Variants in SLC35F3 observed in about 807,000 individuals in gnomAD.
SLC35F3 encodes putative thiamine transporter SLC35F3.
Under a neutral mutation model 49.9 loss-of-function variants are expected in SLC35F3, and 25 were observed. The ratio of observed to expected loss-of-function variants is 0.50; its 90% CI spans 0.37 to 0.70. The LOEUF (loss-of-function observed/expected upper bound fraction) is 0.70, where lower values mean the gene tolerates loss of function less well. SLC35F3 is among the 30% of genes least tolerant of loss of function. The probability of loss-of-function intolerance (pLI) is 0.00; values close to 1 mark genes in which losing one functional copy is unlikely to be tolerated. For synonymous variants in SLC35F3, 275 were observed against 265.4 expected (o/e 1.04, Z -0.35); for missense variants, 525 against 639.8 (o/e 0.82, Z 1.94).
intron 3 of SLC35F3, among the ~76,000 whole-genome samples, chr1:234,267,590 G>A (rs1190347928): frequency 1.3e-5 from 2 of 148,860 alleles, no homozygotes; most frequent in Non-Finnish European, 3.0e-5. Context: ...GCCGGGCAGA[G>A]GCACCCCTCA....
rs1033407677 is a variant in SLC35F3 at position 233,905,088 on chromosome 1, G to C, written c.11G>C (p.Arg4Pro). Residue 4 changes from arginine (R) to proline (P), a missense_variant, in exon 1 of 8, where the codon CGA becomes CCA. Physicochemically the swap from Arg to Pro is moderately radical, Grantham distance 103. Transcript: ENST00000366618. MGI[R>P]EFPSGAPRGK... ...ACTCTGTCTTTGCCTATGGGGATTC[G>C]AGAGTTTCCCAGCGGCGCACCCAGG... is the stretch of plus-strand genomic sequence containing the variant. 4 of 1,564,598 alleles carry C rather than the reference G, an allele frequency of 2.6e-6. No individual in the cohort carries two copies. The highest frequency in any genetic ancestry group is 3.5e-6 in the Non-Finnish European group (4 of 1,153,280).
intron 2 of SLC35F3, among the ~76,000 whole-genome samples, chr1:234,197,085 G>T (rs78024307): frequency 1.3e-5 from 2 of 152,150 alleles, no homozygotes; most frequent in African/African-American, 4.8e-5. Context: ...GCATTTTAAA[G>T]GGTCTTGAGC....
chr1:234,289,866 T>C (rs1433472052), intron 3 of SLC35F3, among the ~76,000 whole-genome samples: 1 of 152,068 alleles, frequency 6.6e-6, no homozygotes, highest in Non-Finnish European at 1.5e-5. Flanking sequence ...AACCAAAACA[T>C]TATGAAAGAG....
At chr1:234,230,858 A>G (rs1226980756) in intron 2 of SLC35F3, among the ~76,000 whole-genome samples, 3 of 152,238 alleles carry the variant, frequency 2.0e-5, no homozygotes, top group Non-Finnish European at 1.5e-5. Flanking sequence ...CGTACAAAAT[A>G]AGAGGAGAGA....
At chr1:234,173,475 T>G (rs1666430898) in intron 2 of SLC35F3, among the ~76,000 whole-genome samples, 1 of 152,220 alleles carries the variant, frequency 6.6e-6, no homozygotes, top group Non-Finnish European at 1.5e-5. Flanking sequence ...TCTTTGTCCT[T>G]CAACCCCATG....
At chr1:234,130,473 T>TAA (rs71170467) in intron 2 of SLC35F3, among the ~76,000 whole-genome samples, 4,081 of 138,808 alleles carry the variant, frequency 0.029, 202 homozygotes, top group African/African-American at 0.098. Flanking sequence ...ACCCCGTCTC[T>TAA]AAAAAAAAAA....
At chr1:234,272,772 C>T (rs1254684191) in intron 3 of SLC35F3, among the ~76,000 whole-genome samples, 2 of 152,134 alleles carry the variant, frequency 1.3e-5, no homozygotes, top group African/African-American at 2.4e-5. Flanking sequence ...TTCCAAATGG[C>T]GTGCTGCCTG....
intron 2 of SLC35F3, among the ~76,000 whole-genome samples, chr1:233,998,774 G>A (rs9435537): frequency 0.31 from 47,005 of 151,972 alleles, 8,599 homozygotes; most frequent in Non-Finnish European, 0.42. Context: ...GACAGTTATA[G>A]CAGCAGGAGT....
rs576512388 is a variant in SLC35F3, at chr1:234,268,757, C to T, written c.608+37016C>T. ...GATCCTGATTGTTCCACGTGCCACA[C>T]GATGGAATATCATACGGCAGTGAAA... On this transcript the variant is annotated intron_variant, in intron 3 of 7. Coordinates refer to ENST00000366618, the MANE Select transcript of SLC35F3 (RefSeq NM_173508.4). 3.3e-5 allele frequency: 5 copies of T among 152,278 alleles called. No individual in the cohort carries two copies. In the East Asian group the frequency reaches 5.8e-4, roughly 18 times the overall value. 9.4% of individuals were successfully genotyped at this position (152,278 alleles called of 1,614,324 possible). A position where few individuals can be genotyped will look rare whatever the true frequency, so the allele number is the denominator to read the frequency against.
At chr1:233,960,003 G>A (rs1558189863) in intron 2 of SLC35F3, among the ~76,000 whole-genome samples, 1 of 152,186 alleles carries the variant, frequency 6.6e-6, no homozygotes, top group East Asian at 1.9e-4. Flanking sequence ...GCCACAGTGT[G>A]TTTCCTCTTC....
intron 2 of SLC35F3, among the ~76,000 whole-genome samples, chr1:234,149,656 A>T (rs1666043446): frequency 6.6e-6 from 1 of 152,146 alleles, no homozygotes; most frequent in Non-Finnish European, 1.5e-5. Context: ...TCCTGCCCTT[A>T]AAAAACGCCC....
chr1:233,918,489 G>C (rs916432444), intron 2 of SLC35F3, among the ~76,000 whole-genome samples: 1 of 152,134 alleles, frequency 6.6e-6, no homozygotes, highest in Non-Finnish European at 1.5e-5. Context: ...TTGAAGGTCT[G>C]TTGCTTATTA....
chr1:234,123,229 G>A (rs1220931884), intron 2 of SLC35F3, among the ~76,000 whole-genome samples: 1 of 152,162 alleles, frequency 6.6e-6, no homozygotes, highest in South Asian at 2.1e-4. Context: ...GTGATGATGA[G>A]CTTTTTTTCA....
chr1:233,934,086 A>G (rs1662288024), intron 2 of SLC35F3, among the ~76,000 whole-genome samples: 1 of 152,256 alleles, frequency 6.6e-6, no homozygotes, highest in East Asian at 1.9e-4. Context: ...AGTTTTTCAC[A>G]TGCTGCTAAG....
At chr1:234,073,932 G>A (rs909381525) in intron 2 of SLC35F3, among the ~76,000 whole-genome samples, 1 of 152,120 alleles carries the variant, frequency 6.6e-6, no homozygotes. Context: ...ATCGTGTTAA[G>A]TGTCTTTATA....
chr1:234,150,276 T>A (rs1326880951), intron 2 of SLC35F3, among the ~76,000 whole-genome samples: 7 of 151,248 alleles, frequency 4.6e-5, no homozygotes, highest in Non-Finnish European at 1.0e-4. Flanking sequence ...CCAATTTCCT[T>A]GAGCTTCTTA....
chr1:234,322,945 C>A (rs1657661830), intron 7 of SLC35F3, 63 bp from the exon 8 acceptor site: 5 of 1,423,662 alleles, frequency 3.5e-6, no homozygotes, highest in Non-Finnish European at 4.9e-6. Flanking sequence ...AGGCCCTGCC[C>A]ACTCTCCAGG....
intron 2 of SLC35F3, among the ~76,000 whole-genome samples, chr1:234,072,064 G>C (rs540525739): frequency 6.6e-6 from 1 of 152,358 alleles, no homozygotes; most frequent in South Asian, 2.1e-4. Context: ...ATTTATGTAA[G>C]TGACTACTGA....
intron 2 of SLC35F3, among the ~76,000 whole-genome samples, chr1:233,930,974 A>T (rs10797505): frequency 0.32 from 48,946 of 151,976 alleles, 8,505 homozygotes; most frequent in Admixed American, 0.5. Flanking sequence ...GAGGCCTCAG[A>T]AATAACACCA....
Sources: gnomAD v4.1 joint callset for allele counts (sites outside exome capture counted in the v4.1 genomes callset) on GRCh38, gnomAD v4.1.1 for gene constraint, MANE v1.5 for transcripts, NCBI Gene and HGNC (gene_info 2026-07-23, HGNC 2026-07-21) for gene names.